The following RND3 variants were observed in gnomAD, a reference collection of about 807,000 sequenced individuals.
RND3 encodes Rho family GTPase 3.
A neutral mutation model predicts 26.5 loss-of-function variants in RND3; 8 were observed. The ratio of observed to expected loss-of-function variants is 0.30; its 90% confidence interval spans 0.18 to 0.54. The LOEUF is 0.54. Among genes scored for constraint, RND3 ranks in the 20% least tolerant of loss-of-function variants. The pLI, the probability that RND3 is intolerant of heterozygous loss-of-function variation, is 0.94. For synonymous variants in RND3, 113 were observed against 113.0 expected, an observed-to-expected ratio of 1.00 and a Z score of 0.00; for missense variants, 207 against 302.8, an observed-to-expected ratio of 0.68 and a Z score of 2.35.
intron 3 of RND3, among the ~76,000 whole-genome samples, chr2:150,480,009 G>C (rs1019118034): frequency 1.3e-5 from 2 of 152,134 alleles, no homozygotes; most frequent in African/African-American, 4.8e-5. Flanking sequence ...AAGTCAGACA[G>C]GTAGATATGT....
intron 3 of RND3, among the ~76,000 whole-genome samples, chr2:150,478,310 A>G (rs889221634): frequency 2.0e-5 from 3 of 152,036 alleles, no homozygotes. Context: ...TTTCTTCCCC[A>G]TAAAGCCCAA....
Position 150,487,124 on chromosome 2 carries a change from G to GGA in RND3, c.150+142_150+143dup, listed in dbSNP as rs987600366. On this transcript the variant is annotated intron_variant, in intron 2 of 5. Transcript: ENST00000263895. ...TCCCTTTCCCCGCAGTCTAATCAGG[G>GGA]GAAAGTAGTAAGGACCGAGAAAGAC... 1.9e-5 allele frequency: 14 copies of GGA among 724,766 alleles called. No homozygotes were observed. In the African/African-American group the frequency reaches 2.5e-4, roughly 13 times the overall value. 44.9% of individuals were successfully genotyped at this position (724,766 alleles called of 1,614,324 possible). A position where few individuals can be genotyped will look rare whatever the true frequency, so the allele number is the denominator to read the frequency against.
At chr2:150,478,579 C>CAAAAAA (rs1229770069) in intron 3 of RND3, among the ~76,000 whole-genome samples, 6 of 106,366 alleles carry the variant, frequency 5.6e-5, no homozygotes, top group African/African-American at 1.9e-4. Flanking sequence ...AGCCAAACGG[C>CAAAAAA]AAAAAAAAAA....
Position 150,487,472 on chromosome 2 carries a change from A to ATATATATATATAT in RND3, c.-38-18_-38-17insATATATATATATA, listed in dbSNP as rs1395547619. ...GAATTTTCTCTTAAGAAGAAAAAAAAAAATATATATATATATATATATTTC... is the reference window on the plus strand; with the variant it reads ...GAATTTTCTCTTAAGAAGAAAAAAAATATATATATATATAAATATATATATATATATATATTTC... On this transcript the variant is annotated splice_polypyrimidine_tract_variant and intron_variant, in intron 1 of 5. Coordinates refer to ENST00000263895, the MANE Select transcript of RND3 (RefSeq NM_005168.5). 359 of 344,844 alleles carry ATATATATATATAT rather than the reference A, an allele frequency of 1.0e-3. 1 individual carries two copies. The highest frequency in any genetic ancestry group is 2.0e-3 in the African/African-American group (55 of 27,776). 21.4% of individuals were successfully genotyped at this position (344,844 alleles called of 1,614,324 possible). A position where few individuals can be genotyped will look rare whatever the true frequency, so the allele number is the denominator to read the frequency against.
intron 4 of RND3, among the ~76,000 whole-genome samples, chr2:150,473,614 GA>G (rs1004606820): frequency 6.6e-6 from 1 of 152,090 alleles, no homozygotes; most frequent in African/African-American, 2.4e-5. Flanking sequence ...AAATTGAAAG[GA>G]GCTAAAAAGG....
Position 150,468,724 on chromosome 2 carries a change from A to G in RND3, c.*1263T>C, listed in dbSNP as rs1367291194. On this transcript the variant is annotated 3_prime_UTR_variant, in exon 6 of 6. Transcript: ENST00000263895. ...CAAAAATATCTGTAAACTATTTTAA[A>G]TGCTTATTATTTTACGTAACAACAG... The G allele has an allele frequency of 6.6e-6, 1 of 152,650 alleles. No individual in the cohort carries two copies. The highest frequency in any genetic ancestry group is 1.5e-5 in the Non-Finnish European group (1 of 68,042). 9.5% of individuals were successfully genotyped at this position (152,650 alleles called of 1,614,324 possible).
intron 3 of RND3, among the ~76,000 whole-genome samples, chr2:150,483,503 T>C (rs948280567): frequency 6.6e-6 from 1 of 152,232 alleles, no homozygotes; most frequent in Non-Finnish European, 1.5e-5. Flanking sequence ...TCCAGAGTTA[T>C]ATTGATGGCC....
chr2:150,476,329 T>A (rs1214881220), intron 3 of RND3, among the ~76,000 whole-genome samples: 1 of 152,192 alleles, frequency 6.6e-6, no homozygotes, highest in Non-Finnish European at 1.5e-5. Flanking sequence ...CAACATTTGC[T>A]TGGAGGCTGT....
At chr2:150,478,579 C>CG (rs1411062704) in intron 3 of RND3, among the ~76,000 whole-genome samples, 1 of 106,370 alleles carries the variant, frequency 9.4e-6, no homozygotes, top group Non-Finnish European at 1.9e-5. Flanking sequence ...AGCCAAACGG[C>CG]AAAAAAAAAA....
chr2:150,477,350 G>A (rs2105219188), intron 3 of RND3, among the ~76,000 whole-genome samples: 1 of 152,278 alleles, frequency 6.6e-6, no homozygotes, highest in South Asian at 2.1e-4. Context: ...CTATGACAAT[G>A]GAGACCATCT....
chr2:150,487,457 T>C lies in RND3; in HGVS notation c.-38-2A>G. 1 of 931,014 alleles carries C rather than the reference T, an allele frequency of 1.1e-6. No homozygotes were observed. The highest frequency in any genetic ancestry group is 3.0e-5 in the South Asian group (1 of 33,018). The allele number at this position is 931,014 out of a possible 1,614,324, so 57.7% of individuals were successfully genotyped here. On this transcript the variant is annotated splice_acceptor_variant, in intron 1 of 5. Coordinates refer to ENST00000263895, the MANE Select transcript of RND3 (RefSeq NM_005168.5). LOFTEE classifies it low-confidence loss of function (5UTR_SPLICE). ...TTTCTCTTGGAACAGGAATTTTCTC[T>C]TAAGAAGAAAAAAAAAAATATATAT...
intron 4 of RND3, among the ~76,000 whole-genome samples, chr2:150,472,675 G>A (rs1395142221): frequency 2.0e-5 from 3 of 152,060 alleles, no homozygotes; most frequent in East Asian, 1.9e-4. Flanking sequence ...GGGAAGTGGC[G>A]CCTGACTCTT....
chr2:150,486,334 T>C lies in RND3; in HGVS notation c.238+360A>G, dbSNP rs950339362. Among the ~76,000 whole-genome samples the C allele has an allele frequency of 2.5e-4, 38 of 151,982 alleles. No homozygotes were observed. Among genetic ancestry groups the C allele is most frequent in the African/African-American group, 8.5e-4 (35 of 41,376 alleles). ...GGAGGGGCGCCCGCCTTGAGCCGGG[T>C]GGTTCCGCCGAGGCGCACGCAGCGC... On this transcript the variant is annotated intron_variant, in intron 3 of 5. Transcript: ENST00000263895. The surrounding 1 kb of genome is among the most constrained non-coding windows in gnomAD (Gnocchi z 4.5).
intron 3 of RND3, among the ~76,000 whole-genome samples, chr2:150,479,349 G>T (rs1387177569): frequency 6.6e-6 from 1 of 152,156 alleles, no homozygotes; most frequent in African/African-American, 2.4e-5. Flanking sequence ...TATGTAAGAA[G>T]ATTCATGCCC....
chr2:150,474,080 C>T (rs539554324), intron 4 of RND3, among the ~76,000 whole-genome samples: 2 of 152,320 alleles, frequency 1.3e-5, no homozygotes, highest in South Asian at 2.1e-4. Context: ...TGGACTAACA[C>T]GGCATGTGCC....
rs1229770069 is a variant in RND3 at position 150,478,579 on chromosome 2, C to CAAAA, written c.239-3599_239-3596dup. Among the ~76,000 whole-genome samples, 159 of 106,370 alleles carry CAAAA rather than the reference C, an allele frequency of 1.5e-3. 2 individuals are homozygous for CAAAA. The highest frequency in any genetic ancestry group is 5.5e-3 in the East Asian group (22 of 4,012). 69.8% of individuals were successfully genotyped at this position (106,370 alleles called of 152,430 possible). ...TACAACACCCTGTGAAGCCAAACGG[C>CAAAA]AAAAAAAAAAAAAAAAAATTAACTT... On this transcript the variant is annotated intron_variant, in intron 3 of 5. Coordinates refer to ENST00000263895, the MANE Select transcript of RND3 (RefSeq NM_005168.5).
chr2:150,471,958 G>A, intron 4 of RND3, 197 bp from the exon 5 acceptor site: 1 of 555,080 alleles, frequency 1.8e-6, no homozygotes, highest in Non-Finnish European at 3.2e-6. Flanking sequence ...TTAAGCATTA[G>A]AGAATAATTA....
chr2:150,474,259 C>A (rs1439871542), intron 4 of RND3, among the ~76,000 whole-genome samples: 1 of 152,128 alleles, frequency 6.6e-6, no homozygotes, highest in Non-Finnish European at 1.5e-5. Flanking sequence ...TCCTACGGAA[C>A]CTGACTTACC....
intron 3 of RND3, among the ~76,000 whole-genome samples, chr2:150,483,393 T>C (rs924039695): frequency 2.0e-5 from 3 of 152,202 alleles, no homozygotes; most frequent in African/African-American, 7.2e-5. Flanking sequence ...GCACACCCAA[T>C]TTTTCCTATA....
Sources: allele counts gnomAD v4.1 joint callset (sites outside exome capture counted in the v4.1 genomes callset), GRCh38; gene constraint gnomAD v4.1.1; non-coding constraint Gnocchi (gnomAD v3.1); transcripts MANE v1.5; gene names NCBI Gene and HGNC (gene_info 2026-07-23, HGNC 2026-07-21).